Variants in MEGF8 observed in about 807,000 individuals in gnomAD.
MEGF8 encodes the protein multiple epidermal growth factor-like domains protein 8.
Under a neutral mutation model 302.9 loss-of-function variants are expected in MEGF8, and 156 were observed. The ratio of observed to expected loss-of-function variants is 0.52; its 90% confidence interval spans 0.45 to 0.59. The LOEUF (loss-of-function observed/expected upper bound fraction) is 0.59. Ranked by LOEUF, MEGF8 falls within the 20% of genes least tolerant of loss-of-function variation. MEGF8 has a pLI of 0.00. For synonymous variants in MEGF8, 1,621 were observed against 1,660.5 expected (o/e 0.98, Z 0.58); for missense variants, 3,345 against 3,964.5 (o/e 0.84, Z 4.20).
chr19:42,336,441 C>A lies in MEGF8; in HGVS notation c.1244+95C>A. 8.0e-7 allele frequency: 1 copy of A among 1,253,048 alleles called. No homozygotes were observed. Among genetic ancestry groups the A allele is most frequent in the Non-Finnish European group, 1.1e-6 (1 of 930,398 alleles). 77.6% of individuals were successfully genotyped at this position (1,253,048 alleles called of 1,614,324 possible). ...TTAGAGGTCTTTGCCCACTGTCGGACTCCTGTGGTCTCTCAGTCACTCCTT... is the reference window on the plus strand; with the variant it reads ...TTAGAGGTCTTTGCCCACTGTCGGAATCCTGTGGTCTCTCAGTCACTCCTT... On this transcript the variant is annotated intron_variant, in intron 6 of 41. Transcript: ENST00000251268. This position sits in a 1 kb window ranked among gnomAD's most constrained non-coding sequence, Gnocchi z 4.8.
intron 7 of MEGF8, 61 bp from the exon 8 acceptor site, chr19:42,337,023 G>T: frequency 6.2e-7 from 1 of 1,612,860 alleles, no homozygotes; most frequent in Non-Finnish European, 8.5e-7. Context: ...GAGGCTCCCT[G>T]CAGGGGAGTC....
Position 42,351,870 on chromosome 19 carries a change from A to T in MEGF8, c.3101+109A>T. ...CTGCCCTCTTGCCCATCCCATGGCC[A>T]CCTTCCCTTTTCCGTACTGTTTTTC... On this transcript the variant is annotated intron_variant, in intron 18 of 41. Coordinates refer to ENST00000251268, the MANE Select transcript of MEGF8 (RefSeq NM_001271938.2). This position sits in a 1 kb window ranked among gnomAD's most constrained non-coding sequence, Gnocchi z 5.6. 2 of 888,214 alleles carry T rather than the reference A, an allele frequency of 2.3e-6. No homozygotes were observed. The highest frequency in any genetic ancestry group is 3.5e-6 in the Non-Finnish European group (2 of 566,258). The allele number at this position is 888,214 out of a possible 1,614,324, so 55.0% of individuals were successfully genotyped here.
At position 42,367,528 on chromosome 19, in the gene MEGF8, T is replaced by G. The variant is rs941829077; in HGVS notation, c.6274-927T>G. ...TGGTGTTGGTCTCCTGACCTCGTGATCCGCCCGCCTCGGCCTCCCAAAGTG... is the reference window on the plus strand; with the variant it reads ...TGGTGTTGGTCTCCTGACCTCGTGAGCCGCCCGCCTCGGCCTCCCAAAGTG... On this transcript the variant is annotated intron_variant, in intron 35 of 41. Transcript: ENST00000251268. Among the ~76,000 whole-genome samples the G allele has an allele frequency of 5.9e-4, 90 of 152,170 alleles. 1 individual carries two copies. Among genetic ancestry groups the G allele is most frequent in the Non-Finnish European group, 1.2e-3 (82 of 68,022 alleles).
chr19:42,335,000 C>T (rs546329776), intron 3 of MEGF8, 35 bp from the exon 4 acceptor site: 3 of 1,580,120 alleles, frequency 1.9e-6, no homozygotes, highest in Non-Finnish European at 1.7e-6. Flanking sequence ...GTCTCTCCCT[C>T]TCTTATCTCT....
chr19:42,368,210 G>A lies in MEGF8; in HGVS notation c.6274-245G>A, dbSNP rs903956492. ...TGGGATTACAGGTGTGAGCCACTGC[G>A]GCCAGGCAACCTTCCAGTTTCAAGA... On this transcript the variant is annotated intron_variant, in intron 35 of 41. Coordinates refer to ENST00000251268, the MANE Select transcript of MEGF8 (RefSeq NM_001271938.2). This position sits in a 1 kb window ranked among gnomAD's most constrained non-coding sequence, Gnocchi z 4.9. Among the ~76,000 whole-genome samples the A allele has an allele frequency of 6.6e-6, 1 of 152,114 alleles. No homozygotes were observed. Among genetic ancestry groups the A allele is most frequent in the Non-Finnish European group, 1.5e-5 (1 of 68,012 alleles).
In MEGF8 at chr19:42,357,333, G is replaced by A; in HGVS notation, c.4831-71G>A. ...TTCAGGGAGGACTGTGGGGGGCTGA[G>A]GCTCGCTTCTACCCACAAGGTGACC... On this transcript the variant is annotated intron_variant, in intron 27 of 41. Coordinates refer to ENST00000251268, the MANE Select transcript of MEGF8 (RefSeq NM_001271938.2). The surrounding 1 kb of genome is among the most constrained non-coding windows in gnomAD (Gnocchi z 5.2). 6.5e-7 allele frequency: 1 copy of A among 1,538,202 alleles called. No homozygotes were observed. Among genetic ancestry groups the A allele is most frequent in the Non-Finnish European group, 8.9e-7 (1 of 1,129,920 alleles).
At chr19:42,361,359 A>G (rs2039529779) in intron 32 of MEGF8, among the ~76,000 whole-genome samples, 2 of 152,046 alleles carry the variant, frequency 1.3e-5, no homozygotes, top group South Asian at 4.1e-4. Context: ...AGCTCCACAG[A>G]TCCTTCAGCT....
chr19:42,356,962 T>G lies in MEGF8; in HGVS notation c.4811T>G (p.Leu1604Arg). The G allele has an allele frequency of 6.2e-7, 1 of 1,605,992 alleles. No individual in the cohort carries two copies. Among genetic ancestry groups the G allele is most frequent in the South Asian group, 1.1e-5 (1 of 89,120 alleles). Residue 1604 changes from leucine (L) to arginine (R), a missense_variant, in exon 27 of 42, where the codon CTG (leucine) becomes CGG (arginine). Coordinates refer to ENST00000251268, the MANE Select transcript of MEGF8 (RefSeq NM_001271938.2). The surrounding 1 kb of genome is among the most constrained non-coding windows in gnomAD (Gnocchi z 5.2). ...RDFWVLNLTT[L>R]QWRQEKAPQT... ...TTCTGGGTCCTCAACCTCACCACCC[T>G]GCAATGGCGGCAGGAGAAGGTGAGC...
chr19:42,364,230 C>A (rs553560330), intron 35 of MEGF8, among the ~76,000 whole-genome samples: 1 of 152,278 alleles, frequency 6.6e-6, no homozygotes, highest in African/African-American at 2.4e-5. Context: ...AAACTCCATT[C>A]CAAAGACGCT....
In MEGF8 at chr19:42,370,842, CCGG is replaced by C. The variant is rs2039676552; in HGVS notation, c.7136+12_7136+14del. On this transcript the variant is annotated intron_variant, in intron 40 of 41. Coordinates refer to ENST00000251268, the MANE Select transcript of MEGF8 (RefSeq NM_001271938.2). ...CGGGAAGTGCACCAAGTAAGAGGAA[CCGG>C]GGGGGGGGGGGGGGGGGGGGGGGGG... is the stretch of plus-strand genomic sequence containing the variant. 8.4e-6 allele frequency: 1 copy of C among 119,402 alleles called. No homozygotes were observed. Among genetic ancestry groups the C allele is most frequent in the African/African-American group, 1.6e-4 (1 of 6,236 alleles). 7.4% of individuals were successfully genotyped at this position (119,402 alleles called of 1,614,324 possible).
chr19:42,356,747 GGCT>G lies in MEGF8; in HGVS notation c.4623-23_4623-21del. ...AAGGATGCTGGGATGACTGTAATGA[GGCT>G]GCTTTTTTGCACCCTGGCCCCAGGT... On this transcript the variant is annotated intron_variant, in intron 26 of 41. Transcript: ENST00000251268. The surrounding 1 kb of genome is among the most constrained non-coding windows in gnomAD (Gnocchi z 5.2). 1 of 1,530,856 alleles carries G rather than the reference GGCT, an allele frequency of 6.5e-7. No homozygotes were observed. The highest frequency in any genetic ancestry group is 8.8e-7 in the Non-Finnish European group (1 of 1,135,060). The allele number at this position is 1,530,856 out of a possible 1,614,324, so 94.8% of individuals were successfully genotyped here.
chr19:42,343,745 G>T, intron 9 of MEGF8, 114 bp downstream of exon 9: 1 of 1,400,472 alleles, frequency 7.1e-7, no homozygotes. Context: ...GGATCCCTAG[G>T]ACCATGAGAG....
chr19:42,377,581 G>A lies in MEGF8; in HGVS notation c.*806G>A, dbSNP rs997097133. The A allele has an allele frequency of 1.4e-4, 22 of 152,446 alleles. No individual in the cohort carries two copies. Among genetic ancestry groups the A allele is most frequent in the African/African-American group, 4.1e-4 (17 of 41,434 alleles). 9.4% of individuals were successfully genotyped at this position (152,446 alleles called of 1,614,324 possible). Reference sequence around the variant, plus strand: ...AGGTGGGCTGATCACAAGGTCAAGAGTTCGTGACCAGCCTGGCCAATATGG... The same window carrying A: ...AGGTGGGCTGATCACAAGGTCAAGAATTCGTGACCAGCCTGGCCAATATGG... On this transcript the variant is annotated 3_prime_UTR_variant, in exon 42 of 42. Coordinates refer to ENST00000251268, the MANE Select transcript of MEGF8 (RefSeq NM_001271938.2).
Position 42,354,118 on chromosome 19 carries a change from G to GC in MEGF8, c.4011+94_4011+95insC, listed in dbSNP as rs2039417760. The GC allele has an allele frequency of 8.7e-7, 1 of 1,146,054 alleles. No homozygotes were observed. The highest frequency in any genetic ancestry group is 2.8e-5 in the East Asian group (1 of 35,492). The allele number at this position is 1,146,054 out of a possible 1,614,324, so 71.0% of individuals were successfully genotyped here. Reference sequence around the variant, plus strand: ...CTCAGACCCTGACCCTAGTATTGCTGTTTTTTTTTTTTTGTTTTTTTAATC... The same window carrying GC: ...CTCAGACCCTGACCCTAGTATTGCTGCTTTTTTTTTTTTTGTTTTTTTAATC... On this transcript the variant is annotated intron_variant, in intron 22 of 41. Coordinates refer to ENST00000251268, the MANE Select transcript of MEGF8 (RefSeq NM_001271938.2). The surrounding 1 kb of genome is among the most constrained non-coding windows in gnomAD (Gnocchi z 4.3).
Position 42,358,904 on chromosome 19 carries a change from C to T in MEGF8, c.5293C>T (p.Leu1765Phe), listed in dbSNP as rs1201933643. The T allele has an allele frequency of 2.5e-6, 4 of 1,611,548 alleles. No homozygotes were observed. The highest frequency in any genetic ancestry group is 3.4e-5 in the Admixed American group (2 of 59,660). Residue 1765 changes from leucine (L) to phenylalanine (F), a missense_variant, in exon 30 of 42, where the codon CTT becomes TTT. Coordinates refer to ENST00000251268, the MANE Select transcript of MEGF8 (RefSeq NM_001271938.2). The surrounding 1 kb of genome is among the most constrained non-coding windows in gnomAD (Gnocchi z 4.4). ...VRKKMALWAA[L>F]AGTGGFLEEI... ...GAAGAAGATGGCTCTGTGGGCTGCT[C>T]TTGCTGGTACAGGAGGTTTCCTGGA... is the stretch of plus-strand genomic sequence containing the variant.
rs369206655 is a variant in MEGF8 at position 42,363,033 on chromosome 19, G to C, written c.6059-15G>C. ...TCCTGGGTCTGAGGTTCTAATCCCC[G>C]TGCCCCACCCCCAGGGGAGACCCGC... On this transcript the variant is annotated splice_polypyrimidine_tract_variant and intron_variant, in intron 34 of 41. Transcript: ENST00000251268. 5.0e-6 allele frequency: 8 copies of C among 1,607,156 alleles called. No homozygotes were observed. The Admixed American group carries it at 1.2e-4, about 24-fold the overall frequency.
Position 42,352,542 on chromosome 19 carries a change from T to A in MEGF8, c.3350+86T>A. The A allele has an allele frequency of 6.8e-7, 1 of 1,463,746 alleles. No homozygotes were observed. Among genetic ancestry groups the A allele is most frequent in the Non-Finnish European group, 9.1e-7 (1 of 1,095,004 alleles). The allele number at this position is 1,463,746 out of a possible 1,614,324, so 90.7% of individuals were successfully genotyped here. A position where few individuals can be genotyped will look rare whatever the true frequency, so the allele number is the denominator to read the frequency against. On this transcript the variant is annotated intron_variant, in intron 19 of 41. Transcript: ENST00000251268. This position sits in a 1 kb window ranked among gnomAD's most constrained non-coding sequence, Gnocchi z 4.4. ...GGGAGGAAGCCATCATGGCGCTGGG[T>A]CCCCTCCTGTGGAACCAGCATCCCC...
intron 8 of MEGF8, among the ~76,000 whole-genome samples, chr19:42,340,739 C>T (rs1318389832): frequency 6.6e-6 from 1 of 152,156 alleles, no homozygotes; most frequent in African/African-American, 2.4e-5. Context: ...ATAGTCTCCA[C>T]TCACTGCAAC....
rs753417146 is a variant in MEGF8, at chr19:42,353,999, C to T, written c.3986C>T (p.Ser1329Phe). 4 of 1,585,616 alleles carry T rather than the reference C, an allele frequency of 2.5e-6. No homozygotes were observed. The highest frequency in any genetic ancestry group is 1.8e-5 in the Admixed American group (1 of 56,814). Residue 1329 changes from serine (S) to phenylalanine (F), a missense_variant, in exon 22 of 42, where the codon TCC (serine) becomes TTC (phenylalanine). Ser to Phe is a radical substitution (Grantham distance 155). Transcript: ENST00000251268. The surrounding 1 kb of genome is among the most constrained non-coding windows in gnomAD (Gnocchi z 6.1). ...TGTCCCCCACTCACCCTCACCTTCTCCCCCGACAGCAGCACCCCCTGCACG... is the reference window on the plus strand; with the variant it reads ...TGTCCCCCACTCACCCTCACCTTCTTCCCCGACAGCAGCACCCCCTGCACG... Reference protein sequence around the residue: ...TLCPPLTLTFSPDSSTPCTLS... With the variant: ...TLCPPLTLTFFPDSSTPCTLS...
Sources: allele counts gnomAD v4.1 joint callset (sites outside exome capture counted in the v4.1 genomes callset), GRCh38; gene constraint gnomAD v4.1.1; non-coding constraint Gnocchi (gnomAD v3.1); transcripts MANE v1.5; gene names NCBI Gene and HGNC (gene_info 2026-07-23, HGNC 2026-07-21).